SCN8A: variants seen among roughly 807,000 people sequenced by gnomAD.
SCN8A encodes the protein sodium channel protein type 8 subunit alpha.
SCN8A carries 30 observed loss-of-function variants against 184.1 expected under a neutral mutation model. The observed-to-expected ratio is 0.16, with a 90% CI of 0.12 to 0.22. The LOEUF (loss-of-function observed/expected upper bound fraction) is 0.22. SCN8A is among the 10% of genes least tolerant of loss of function. SCN8A has a pLI of 1.00. For missense variants in SCN8A, 1,057 were observed against 2,498.9 expected (o/e 0.42, Z 12.30); for synonymous variants, 852 against 907.0 (o/e 0.94, Z 1.09).
intron 1 of SCN8A, among the ~76,000 whole-genome samples, chr12:51,592,187 G>A (rs1939240389): frequency 6.6e-6 from 1 of 151,500 alleles, no homozygotes. Flanking sequence ...GCCCAGCTCC[G>A]TGGGCTTGGA....
chr12:51,613,813 C>T (rs573513330), intron 1 of SCN8A, among the ~76,000 whole-genome samples: 1 of 152,072 alleles, frequency 6.6e-6, no homozygotes, highest in South Asian at 2.1e-4. Flanking sequence ...TCTCTTTGAC[C>T]TGTGGATTAT....
At chr12:51,794,245 G>T in intron 25 of SCN8A, 126 bp from the exon 26 acceptor site, 1 of 850,790 alleles carries the variant, frequency 1.2e-6, no homozygotes, top group South Asian at 1.7e-5. Flanking sequence ...TGATAGAGCA[G>T]CAGAGCTGAC....
intron 11 of SCN8A, 70 bp downstream of exon 11, chr12:51,706,785 T>TACAC: frequency 9.8e-7 from 1 of 1,024,166 alleles, no homozygotes; most frequent in Non-Finnish European, 1.4e-6. Context: ...TGTATATGTA[T>TACAC]ATTATACCAT....
intron 1 of SCN8A, among the ~76,000 whole-genome samples, chr12:51,591,720 T>TG (rs1468245444): frequency 6.6e-6 from 1 of 152,062 alleles, no homozygotes; most frequent in African/African-American, 2.4e-5. Context: ...CGGGCAGAGT[T>TG]GGGGCCCCTA....
chr12:51,607,859 A>G (rs947092049), intron 1 of SCN8A, among the ~76,000 whole-genome samples: 4 of 152,048 alleles, frequency 2.6e-5, no homozygotes, highest in Non-Finnish European at 5.9e-5. Flanking sequence ...TAGCATCTGT[A>G]TTCATCAAGG....
intron 19 of SCN8A, among the ~76,000 whole-genome samples, chr12:51,771,589 A>G (rs924725477): frequency 4.6e-5 from 7 of 152,228 alleles, no homozygotes; most frequent in Non-Finnish European, 7.3e-5. Flanking sequence ...TGAAGAAGAC[A>G]GCTTTCATGA....
At chr12:51,629,195 C>G (rs1345794528) in intron 1 of SCN8A, among the ~76,000 whole-genome samples, 1 of 152,186 alleles carries the variant, frequency 6.6e-6, no homozygotes, top group Non-Finnish European at 1.5e-5. Flanking sequence ...TGTTCTCTGT[C>G]TGTCATAGCT....
chr12:51,644,630 A>C (rs1940524266), intron 1 of SCN8A, among the ~76,000 whole-genome samples: 1 of 152,110 alleles, frequency 6.6e-6, no homozygotes, highest in Non-Finnish European at 1.5e-5. Flanking sequence ...CAAAGTGCCG[A>C]GATTGCAGCC....
intron 9 of SCN8A, 33 bp from the exon 10 acceptor site, chr12:51,705,384 A>G (rs1201131492): frequency 1.9e-6 from 3 of 1,609,114 alleles, no homozygotes; most frequent in Admixed American, 1.7e-5. Context: ...CATTTGGTAC[A>G]AGTGACTCAG....
chr12:51,749,112 CA>C (rs1942557714), intron 13 of SCN8A, among the ~76,000 whole-genome samples: 1 of 152,212 alleles, frequency 6.6e-6, no homozygotes, highest in African/African-American at 2.4e-5. Context: ...GAACCAGTAA[CA>C]GTTTGCAAAG....
chr12:51,769,995 G>C lies in SCN8A; in HGVS notation c.3490+10G>C. Reference sequence around the variant, plus strand: ...GCCTGCTTCACAGAAGGTGAAAGGGGATGAGGAGCGGATGGGCTGGGGACA... The same window carrying C: ...GCCTGCTTCACAGAAGGTGAAAGGGCATGAGGAGCGGATGGGCTGGGGACA... On this transcript the variant is annotated intron_variant, in intron 18 of 26. Transcript: ENST00000627620. 6.4e-7 allele frequency: 1 copy of C among 1,555,940 alleles called. No homozygotes were observed. Among genetic ancestry groups the C allele is most frequent in the Non-Finnish European group, 8.8e-7 (1 of 1,141,340 alleles).
chr12:51,735,547 C>CA (rs1177137648), intron 12 of SCN8A, among the ~76,000 whole-genome samples: 1 of 152,154 alleles, frequency 6.6e-6, no homozygotes, highest in African/African-American at 2.4e-5. Flanking sequence ...AAGGAATACT[C>CA]ACGACAGTGG....
At chr12:51,684,528 T>A (rs1320033856) in intron 3 of SCN8A, among the ~76,000 whole-genome samples, 2 of 151,020 alleles carry the variant, frequency 1.3e-5, no homozygotes, top group East Asian at 3.9e-4. Context: ...TTTGGTATCA[T>A]TGTATGGACA....
At chr12:51,778,278 TTTTATTTA>T (rs201643266) in intron 20 of SCN8A, among the ~76,000 whole-genome samples, 1 of 151,808 alleles carries the variant, frequency 6.6e-6, no homozygotes, top group Non-Finnish European at 1.5e-5. Flanking sequence ...TCCCTTTTTA[TTTTATTTA>T]TTTATTTATT....
chr12:51,730,238 T>A (rs1942218402), intron 12 of SCN8A, among the ~76,000 whole-genome samples: 1 of 152,218 alleles, frequency 6.6e-6, no homozygotes, highest in African/African-American at 2.4e-5. Flanking sequence ...GAGATACAAG[T>A]CAACCTGGAT....
At chr12:51,671,776 A>G (rs1180085926) in intron 2 of SCN8A, among the ~76,000 whole-genome samples, 3 of 152,222 alleles carry the variant, frequency 2.0e-5, no homozygotes, top group African/African-American at 7.2e-5. Context: ...TTTACATATA[A>G]CACTATTTGA....
intron 11 of SCN8A, among the ~76,000 whole-genome samples, chr12:51,720,615 G>T (rs569043781): frequency 6.6e-6 from 1 of 151,676 alleles, no homozygotes; most frequent in Admixed American, 6.6e-5. Context: ...AATAATAAAA[G>T]AAAAGGAAAA....
intron 1 of SCN8A, among the ~76,000 whole-genome samples, chr12:51,630,925 C>CT (rs901711302): frequency 7.9e-5 from 12 of 152,312 alleles, no homozygotes; most frequent in Admixed American, 7.2e-4. Context: ...TTCAGATTCT[C>CT]TTTAATGGCT....
intron 1 of SCN8A, among the ~76,000 whole-genome samples, chr12:51,610,038 C>T (rs1035337472): frequency 2.6e-5 from 4 of 151,396 alleles, no homozygotes; most frequent in African/African-American, 7.3e-5. Context: ...GGCATGGTGG[C>T]GCATGCCTGT....
Sources: allele counts gnomAD v4.1 joint callset (sites outside exome capture counted in the v4.1 genomes callset), GRCh38; gene constraint gnomAD v4.1.1; transcripts MANE v1.5; gene names NCBI Gene and HGNC (gene_info 2026-07-23, HGNC 2026-07-21).